MAN2A1: variants seen among roughly 807,000 people sequenced by gnomAD.
The protein encoded by MAN2A1 is mannosidase alpha class 2A member 1, also known as alpha-mannosidase 2.
Under a neutral mutation model 142.6 loss-of-function variants are expected in MAN2A1, and 76 were observed. The ratio of observed to expected loss-of-function variants is 0.53; its 90% confidence interval spans 0.44 to 0.65. The LOEUF (loss-of-function observed/expected upper bound fraction) is 0.65, where lower values mean the gene tolerates loss of function less well. MAN2A1 is among the 30% of genes least tolerant of loss of function. The probability of loss-of-function intolerance (pLI) is 0.00; values close to 1 mark genes in which losing one functional copy is unlikely to be tolerated. For missense variants in MAN2A1, 1,311 were observed against 1,365.1 expected (o/e 0.96, Z 0.62); for synonymous variants, 559 against 473.2 (o/e 1.18, Z -2.35).
intron 3 of MAN2A1, among the ~76,000 whole-genome samples, chr5:109,725,558 A>G (rs1175150563): frequency 1.3e-5 from 2 of 152,216 alleles, no homozygotes; most frequent in Non-Finnish European, 2.9e-5. Context: ...CCTGGTACTC[A>G]GAAGGGCAGG....
At chr5:109,813,788 A>G (rs1007921729) in intron 12 of MAN2A1, among the ~76,000 whole-genome samples, 13 of 152,266 alleles carry the variant, frequency 8.5e-5, no homozygotes, top group African/African-American at 3.1e-4. Flanking sequence ...TTTTTAGTAT[A>G]CTCATCCTCA....
intron 1 of MAN2A1, among the ~76,000 whole-genome samples, chr5:109,712,801 A>G (rs1402695291): frequency 2.0e-5 from 3 of 152,202 alleles, no homozygotes; most frequent in African/African-American, 4.8e-5. Context: ...AGTACCTTCT[A>G]TGTACTTGGA....
chr5:109,813,900 G>A (rs983107618), intron 12 of MAN2A1, among the ~76,000 whole-genome samples: 1 of 152,102 alleles, frequency 6.6e-6, no homozygotes, highest in Non-Finnish European at 1.5e-5. Context: ...TTGTCCATTC[G>A]TTTTTCTCCA....
intron 4 of MAN2A1, among the ~76,000 whole-genome samples, chr5:109,746,166 G>T (rs1199706957): frequency 6.6e-6 from 1 of 152,036 alleles, no homozygotes; most frequent in Admixed American, 6.6e-5. Context: ...GTGGAGATGG[G>T]GTTTCGCCAT....
chr5:109,741,476 G>A (rs1752265716), intron 4 of MAN2A1, among the ~76,000 whole-genome samples: 1 of 152,094 alleles, frequency 6.6e-6, no homozygotes, highest in Non-Finnish European at 1.5e-5. Flanking sequence ...AGATTTTTTT[G>A]TGTGACTTCT....
At chr5:109,862,493 C>T (rs867153085) in intron 20 of MAN2A1, 1 of 152,178 alleles carries the variant, frequency 6.6e-6, no homozygotes, top group African/African-American at 2.4e-5. Flanking sequence ...CAGTGCTTGG[C>T]ACAATTTCAA....
chr5:109,771,221 G>A (rs1284656110), intron 7 of MAN2A1, among the ~76,000 whole-genome samples: 2 of 152,098 alleles, frequency 1.3e-5, no homozygotes, highest in Non-Finnish European at 2.9e-5. Context: ...TTAAAAATTA[G>A]TAGTGTATTA....
chr5:109,848,013 T>C (rs1008172998), intron 19 of MAN2A1, among the ~76,000 whole-genome samples: 1 of 152,140 alleles, frequency 6.6e-6, no homozygotes, highest in East Asian at 1.9e-4. Context: ...ATTATGTAGA[T>C]AAAAAATAAT....
rs138211589 is a variant in MAN2A1, at chr5:109,723,371, G to A, written c.536-5971G>A. 2.7e-3 allele frequency among the ~76,000 whole-genome samples: 417 copies of A among 152,256 alleles called. 5 individuals carry two copies. The highest frequency in any genetic ancestry group is 9.2e-3 in the African/African-American group (381 of 41,556). The stretch of plus-strand genomic sequence containing the variant: ...TTTAGAGGCATCAGCAGGTTTCTAG[G>A]TTTTCCAAGTCTCACAGATCTCTGG... On this transcript the variant is annotated intron_variant, in intron 3 of 21. Coordinates refer to ENST00000261483, the MANE Select transcript of MAN2A1 (RefSeq NM_002372.4).
chr5:109,706,479 A>G (rs1751136444), intron 1 of MAN2A1, among the ~76,000 whole-genome samples: 3 of 152,212 alleles, frequency 2.0e-5, no homozygotes, highest in African/African-American at 4.8e-5. Flanking sequence ...CATTTTGCCC[A>G]TAGAAACTGA....
At chr5:109,845,732 A>T (rs73218716) in intron 17 of MAN2A1, 133 bp from the exon 18 acceptor site, 38,806 of 582,940 alleles carry the variant, frequency 0.067, 1,583 homozygotes, top group African/African-American at 0.14. Flanking sequence ...TTTAATTTTT[A>T]AATTATTTCT....
At chr5:109,698,623 G>A (rs897836421) in intron 1 of MAN2A1, among the ~76,000 whole-genome samples, 11 of 152,150 alleles carry the variant, frequency 7.2e-5, no homozygotes, top group African/African-American at 2.4e-4. Flanking sequence ...TCCTTTGCAG[G>A]TGGTGCCTTT....
intron 21 of MAN2A1, among the ~76,000 whole-genome samples, chr5:109,865,965 A>G (rs1376932642): frequency 6.6e-6 from 1 of 152,148 alleles, no homozygotes; most frequent in Non-Finnish European, 1.5e-5. Flanking sequence ...CCAAAACCTC[A>G]TAAATAATGC....
intron 16 of MAN2A1, among the ~76,000 whole-genome samples, chr5:109,831,804 CAT>C (rs372591113): frequency 0.013 from 1,927 of 148,466 alleles, 9 homozygotes; most frequent in Middle Eastern, 0.036. Context: ...AAACAAAAAT[CAT>C]GTGTGTGTGT....
intron 12 of MAN2A1, among the ~76,000 whole-genome samples, chr5:109,799,611 G>A (rs1482927932): frequency 1.3e-5 from 2 of 151,774 alleles, no homozygotes; most frequent in East Asian, 2.0e-4. Flanking sequence ...AAAATTAGCT[G>A]CGCATGGTGG....
At chr5:109,815,719 T>C (rs958441889) in intron 12 of MAN2A1, among the ~76,000 whole-genome samples, 3 of 152,176 alleles carry the variant, frequency 2.0e-5, no homozygotes, top group African/African-American at 7.2e-5. Context: ...TATTTCTTAA[T>C]GAACACTTTG....
At chr5:109,704,361 A>G (rs1393971557) in intron 1 of MAN2A1, among the ~76,000 whole-genome samples, 1 of 152,242 alleles carries the variant, frequency 6.6e-6, no homozygotes, top group Non-Finnish European at 1.5e-5. Flanking sequence ...TTGTGCTCAC[A>G]TCGTGAGGGC....
At chr5:109,770,991 G>A (rs1012931251) in intron 7 of MAN2A1, among the ~76,000 whole-genome samples, 11 of 152,146 alleles carry the variant, frequency 7.2e-5, no homozygotes, top group Admixed American at 2.0e-4. Flanking sequence ...AATAGTGAAT[G>A]CTTCCCAGCT....
At chr5:109,840,555 G>T in intron 16 of MAN2A1, 1 of 507,218 alleles carries the variant, frequency 2.0e-6, no homozygotes, top group South Asian at 1.4e-5. Context: ...CCTCCAATAA[G>T]GCTGTCTCCT....
Sources: allele counts gnomAD v4.1 joint callset (sites outside exome capture counted in the v4.1 genomes callset), GRCh38; gene constraint gnomAD v4.1.1; transcripts MANE v1.5; gene names NCBI Gene and HGNC (gene_info 2026-07-23, HGNC 2026-07-21).